Variants in PTPRD observed in about 807,000 individuals in gnomAD.
The protein encoded by PTPRD is receptor-type tyrosine-protein phosphatase delta.
In PTPRD, 34 loss-of-function variants were observed where a neutral mutation model predicts 214.5. That is an observed-to-expected ratio of 0.16 (90% CI 0.12 to 0.21). PTPRD has a LOEUF of 0.21. PTPRD is among the 10% of genes least tolerant of loss of function. The pLI is 1.00. For synonymous variants in PTPRD, 1,128 were observed against 845.7 expected (o/e 1.33, Z -5.79); for missense variants, 2,545 against 2,398.7 (o/e 1.06, Z -1.27).
intron 7 of PTPRD, among the ~76,000 whole-genome samples, chr9:9,622,698 GT>G (rs1359941612): frequency 6.6e-6 from 1 of 152,134 alleles, no homozygotes; most frequent in African/African-American, 2.4e-5. Context: ...TATTTATAAT[GT>G]TAAAATAACA....
chr9:8,358,288 T>TC (rs2077473730), intron 39 of PTPRD, among the ~76,000 whole-genome samples: 1 of 152,134 alleles, frequency 6.6e-6, no homozygotes, highest in East Asian at 1.9e-4. Flanking sequence ...TTTTTTTTTT[T>TC]CTTGAAGGTT....
intron 3 of PTPRD, among the ~76,000 whole-genome samples, chr9:10,215,244 C>A (rs2099535937): frequency 6.7e-6 from 1 of 150,018 alleles, no homozygotes; most frequent in Non-Finnish European, 1.5e-5. Context: ...TTCAATGAAA[C>A]AAGAGGCTCT....
chr9:10,147,530 A>T (rs2099031540), intron 3 of PTPRD, among the ~76,000 whole-genome samples: 1 of 152,082 alleles, frequency 6.6e-6, no homozygotes, highest in South Asian at 2.1e-4. Flanking sequence ...TCAAAATTTA[A>T]TTTTTCCCAG....
chr9:9,646,046 A>G (rs927089848), intron 7 of PTPRD, among the ~76,000 whole-genome samples: 1 of 152,184 alleles, frequency 6.6e-6, no homozygotes. Flanking sequence ...TTAGAATACA[A>G]TTCATGTTTA....
intron 8 of PTPRD, among the ~76,000 whole-genome samples, chr9:9,467,423 C>T (rs1020019884): frequency 1.1e-4 from 17 of 150,624 alleles, no homozygotes; most frequent in African/African-American, 4.1e-4. Context: ...TCTGTCTCTA[C>T]TAAAAATTCA....
chr9:9,961,264 G>T (rs2094345774), intron 4 of PTPRD, among the ~76,000 whole-genome samples: 1 of 152,036 alleles, frequency 6.6e-6, no homozygotes, highest in Non-Finnish European at 1.5e-5. Context: ...TCAAAACCTG[G>T]AATTGGAATT....
At chr9:9,673,351 T>A (rs2096866562) in intron 7 of PTPRD, among the ~76,000 whole-genome samples, 1 of 151,880 alleles carries the variant, frequency 6.6e-6, no homozygotes, top group Non-Finnish European at 1.5e-5. Context: ...GAGAAACTAC[T>A]CAAATATATT....
intron 4 of PTPRD, among the ~76,000 whole-genome samples, chr9:9,984,974 T>A (rs1272977367): frequency 6.6e-6 from 1 of 152,118 alleles, no homozygotes; most frequent in African/African-American, 2.4e-5. Flanking sequence ...AACATCATGC[T>A]CACTATAAAG....
intron 3 of PTPRD, among the ~76,000 whole-genome samples, chr9:10,168,814 T>C (rs925491664): frequency 2.0e-5 from 3 of 152,162 alleles, no homozygotes; most frequent in African/African-American, 7.2e-5. Context: ...AAGTATATAT[T>C]ACATAATGAA....
intron 5 of PTPRD, among the ~76,000 whole-genome samples, chr9:9,829,136 T>G (rs547186079): frequency 2.3e-4 from 35 of 152,020 alleles, no homozygotes; most frequent in South Asian, 2.1e-3. Flanking sequence ...TAAGGCATAC[T>G]AAAGAATATT....
At chr9:9,988,538 T>C (rs973435879) in intron 4 of PTPRD, among the ~76,000 whole-genome samples, 2 of 152,146 alleles carry the variant, frequency 1.3e-5, no homozygotes, top group Non-Finnish European at 2.9e-5. Flanking sequence ...AACATAAGTC[T>C]CAAAGATAAA....
chr9:10,428,745 C>A (rs906409979), intron 2 of PTPRD, among the ~76,000 whole-genome samples: 2 of 152,016 alleles, frequency 1.3e-5, no homozygotes, highest in African/African-American at 2.4e-5. Flanking sequence ...GGTCCATGGT[C>A]TAAACTTTTG....
chr9:8,670,503 T>A (rs1384878666), intron 12 of PTPRD, among the ~76,000 whole-genome samples: 2 of 152,236 alleles, frequency 1.3e-5, no homozygotes, highest in African/African-American at 2.4e-5. Flanking sequence ...CCTGCTTTTG[T>A]CAGCTAAAAT....
Position 8,746,934 on chromosome 9 carries a change from G to A in PTPRD, c.-103-12988C>T, listed in dbSNP as rs992231337. ...TAGAGGAGTAGTCATTCTAAAATGA[G>A]TAGGAATAGGTTCAGGAAGCAAGCC... On this transcript the variant is annotated intron_variant, in intron 11 of 45. Coordinates refer to ENST00000381196, the MANE Select transcript of PTPRD (RefSeq NM_002839.4). Among the ~76,000 whole-genome samples, 14 of 152,200 alleles carry A rather than the reference G, an allele frequency of 9.2e-5. 1 individual carries two copies. The highest frequency in any genetic ancestry group is 1.3e-4 in the Admixed American group (2 of 15,282).
intron 5 of PTPRD, among the ~76,000 whole-genome samples, chr9:9,794,827 A>G (rs2153483388): frequency 6.6e-6 from 1 of 152,316 alleles, no homozygotes; most frequent in Middle Eastern, 3.4e-3. Flanking sequence ...CAACCTGACT[A>G]GAATGGTGTT....
chr9:10,348,632 C>A (rs1158481637), intron 2 of PTPRD, among the ~76,000 whole-genome samples: 1 of 152,154 alleles, frequency 6.6e-6, no homozygotes, highest in Non-Finnish European at 1.5e-5. Context: ...AAGTTTACCT[C>A]CCCTGTTTGC....
chr9:9,722,441 A>G (rs2097972626), intron 7 of PTPRD, among the ~76,000 whole-genome samples: 1 of 152,108 alleles, frequency 6.6e-6, no homozygotes, highest in African/African-American at 2.4e-5. Flanking sequence ...TGTAAAATCT[A>G]TACCATATTT....
intron 11 of PTPRD, among the ~76,000 whole-genome samples, chr9:8,820,208 G>C (rs1001216766): frequency 2.0e-5 from 3 of 151,834 alleles, no homozygotes; most frequent in East Asian, 1.9e-4. Context: ...AATAATACAG[G>C]TGCAATTCTG....
intron 11 of PTPRD, among the ~76,000 whole-genome samples, chr9:8,761,890 C>T (rs1199624932): frequency 6.6e-6 from 1 of 152,130 alleles, no homozygotes; most frequent in African/African-American, 2.4e-5. Flanking sequence ...CATGTGGATA[C>T]AGTCTCTTAT....
Sources: gnomAD v4.1 joint callset for allele counts (sites outside exome capture counted in the v4.1 genomes callset) on GRCh38, gnomAD v4.1.1 for gene constraint, MANE v1.5 for transcripts, NCBI Gene and HGNC (gene_info 2026-07-23, HGNC 2026-07-21) for gene names.